MROH1: variants seen among roughly 807,000 people sequenced by gnomAD.
MROH1 encodes the protein maestro heat like repeat family member 1, also known as maestro heat-like repeat-containing protein family member 1.
MROH1 carries 117 observed loss-of-function variants against 116.5 expected under a neutral mutation model. That is an observed-to-expected ratio of 1.00 (90% CI 0.86 to 1.17). The LOEUF is 1.17. Ranked by LOEUF, MROH1 falls within the 50% of genes most tolerant of loss-of-function variation. The probability of loss-of-function intolerance (pLI) is 0.00; values close to 1 mark genes in which losing one functional copy is unlikely to be tolerated. For missense variants in MROH1, 1,873 were observed against 1,338.5 expected (o/e 1.40, Z -6.23); for synonymous variants, 921 against 583.9 (o/e 1.58, Z -8.32).
intron 39 of MROH1, 23 bp downstream of exon 39, chr8:144,260,397 A>G (rs1588568280): frequency 1.4e-6 from 1 of 706,098 alleles, no homozygotes. Flanking sequence ...GGGCAGGGGG[A>G]GGGAAGAGGG....
Position 144,238,747 on chromosome 8 carries a change from T to C in MROH1, c.1339-9T>C. 1 of 770,808 alleles carries C rather than the reference T, an allele frequency of 1.3e-6. No homozygotes were observed. 47.7% of individuals were successfully genotyped at this position (770,808 alleles called of 1,614,324 possible). ...CCCACGCACGCCTTTGCCTTTTGCC[T>C]TCCTCCAGCCTGAGAAGCCAGGCCC... On this transcript the variant is annotated splice_polypyrimidine_tract_variant and intron_variant, in intron 14 of 43. Transcript: ENST00000326134.
intron 4 of MROH1, among the ~76,000 whole-genome samples, chr8:144,171,862 C>T (rs1822530762): frequency 6.6e-6 from 1 of 152,202 alleles, no homozygotes; most frequent in South Asian, 2.1e-4. Context: ...CTAACACCCT[C>T]TTGTCCAAGG....
intron 12 of MROH1, among the ~76,000 whole-genome samples, chr8:144,206,714 G>A (rs977986006): frequency 4.6e-5 from 7 of 151,040 alleles, no homozygotes; most frequent in East Asian, 2.0e-4. Context: ...ATGAGCCACC[G>A]TGCCTGGCCT....
chr8:144,258,970 G>A (rs1177187793), intron 36 of MROH1, 56 bp downstream of exon 36: 8 of 679,408 alleles, frequency 1.2e-5, no homozygotes, highest in East Asian at 2.7e-5. Flanking sequence ...ACCGGATCTC[G>A]AGCCCAGAAC....
rs1040124054 is a variant in MROH1, at chr8:144,247,699, C to T, written c.3120+20C>T. 3,974 of 746,786 alleles carry T rather than the reference C, an allele frequency of 5.3e-3. 18 individuals are homozygous for T. Among genetic ancestry groups the T allele is most frequent in the Admixed American group, 7.8e-3 (439 of 56,454 alleles). 46.3% of individuals were successfully genotyped at this position (746,786 alleles called of 1,614,324 possible). On this transcript the variant is annotated intron_variant, in intron 31 of 43. Coordinates refer to ENST00000326134, the MANE Select transcript of MROH1 (RefSeq NM_032450.3). ...GGCCAGGTACCAGCTGGGAGCTCTGCGGCCGGAAGGCAGGCTGGCACTGTC... is the reference window on the plus strand; with the variant it reads ...GGCCAGGTACCAGCTGGGAGCTCTGTGGCCGGAAGGCAGGCTGGCACTGTC...
intron 12 of MROH1, among the ~76,000 whole-genome samples, chr8:144,218,503 G>T (rs1835773637): frequency 6.6e-6 from 1 of 151,638 alleles, no homozygotes; most frequent in South Asian, 2.1e-4. Flanking sequence ...TCGTCTTTCT[G>T]TTGATGAGTC....
chr8:144,208,677 A>G (rs1019864238), intron 12 of MROH1, among the ~76,000 whole-genome samples: 1 of 152,092 alleles, frequency 6.6e-6, no homozygotes, highest in Non-Finnish European at 1.5e-5. Context: ...GTTAGTGGGT[A>G]TATTTCAGGA....
At chr8:144,215,007 C>T (rs1000539567) in intron 12 of MROH1, among the ~76,000 whole-genome samples, 18 of 152,136 alleles carry the variant, frequency 1.2e-4, no homozygotes, top group East Asian at 1.9e-4. Context: ...TTCTTCTTCC[C>T]GCATTTATTC....
chr8:144,249,367 C>T (rs1842455934), intron 32 of MROH1, among the ~76,000 whole-genome samples: 1 of 152,178 alleles, frequency 6.6e-6, no homozygotes, highest in Non-Finnish European at 1.5e-5. Context: ...CCTTAGCCCA[C>T]AGGGTGTCAG....
intron 12 of MROH1, among the ~76,000 whole-genome samples, chr8:144,216,232 T>C (rs371387491): frequency 5.9e-5 from 9 of 151,668 alleles, no homozygotes; most frequent in African/African-American, 2.2e-4. Context: ...CCCAGCACTT[T>C]TGGAGGCTGA....
At chr8:144,214,035 C>T (rs1019748758) in intron 12 of MROH1, 14 of 152,284 alleles carry the variant, frequency 9.2e-5, no homozygotes, top group African/African-American at 2.6e-4. Context: ...GATGTTGGTC[C>T]TGCAGTGCCC....
chr8:144,192,458 T>G, intron 10 of MROH1, 57 bp downstream of exon 10: 1 of 1,473,188 alleles, frequency 6.8e-7, no homozygotes, highest in Non-Finnish European at 9.2e-7. Flanking sequence ...CCGTGGGAAG[T>G]TGCTGGACAA....
At position 144,261,193 on chromosome 8, in the gene MROH1, G is replaced by C; in HGVS notation, c.4751G>C (p.Arg1584Pro). ...TTCAAGAGCAGCTGGGAGAACGTCC[G>C]AGCTGCTGCACCCCTGTTCACCGGT... Reference protein sequence around the residue: ...FYFKSSWENVRAAAPLFTGFL... With the variant: ...FYFKSSWENVPAAAPLFTGFL... Residue 1584 changes from arginine (R) to proline (P), a missense_variant, in exon 42 of 44, where the codon CGA becomes CCA. Transcript: ENST00000326134. The C allele has an allele frequency of 1.3e-6, 1 of 766,382 alleles. No individual in the cohort carries two copies. The highest frequency in any genetic ancestry group is 2.4e-6 in the Non-Finnish European group (1 of 417,576). 47.5% of individuals were successfully genotyped at this position (766,382 alleles called of 1,614,324 possible).
intron 1 of MROH1, among the ~76,000 whole-genome samples, chr8:144,149,454 G>T (rs1180279816): frequency 6.6e-6 from 1 of 152,148 alleles, no homozygotes; most frequent in Non-Finnish European, 1.5e-5. Context: ...ACACCAGGGG[G>T]TCAGAGGTGG....
At chr8:144,247,154 A>C in intron 29 of MROH1, 147 bp from the exon 30 acceptor site, 1 of 656,684 alleles carries the variant, frequency 1.5e-6, no homozygotes. Flanking sequence ...ACTCACTGGG[A>C]GCTGTGTTGG....
intron 1 of MROH1, among the ~76,000 whole-genome samples, chr8:144,157,231 G>A (rs1818378024): frequency 6.6e-6 from 1 of 151,986 alleles, no homozygotes; most frequent in Admixed American, 6.6e-5. Flanking sequence ...GCTGGCTTGA[G>A]CCACCATGTA....
intron 12 of MROH1, among the ~76,000 whole-genome samples, chr8:144,206,515 C>T (rs989588910): frequency 7.3e-5 from 11 of 151,282 alleles, no homozygotes; most frequent in Non-Finnish European, 1.0e-4. Context: ...CTCCACCTCC[C>T]GGGTTCAAGC....
Position 144,213,018 on chromosome 8 carries a change from T to C in MROH1, c.1142-7582T>C, listed in dbSNP as rs565953387. 233 of 779,606 alleles carry C rather than the reference T, an allele frequency of 3.0e-4. 2 individuals carry two copies. In the South Asian group the frequency reaches 3.0e-3, roughly 10 times the overall value. 48.3% of individuals were successfully genotyped at this position (779,606 alleles called of 1,614,324 possible). A position where few individuals can be genotyped will look rare whatever the true frequency, so the allele number is the denominator to read the frequency against. ...GGCAGCACTAACACCAGAATAACAC[T>C]GATGTTGCCATCAGCAGTCACACGA... is the stretch of plus-strand genomic sequence containing the variant. On this transcript the variant is annotated intron_variant, in intron 12 of 43. Transcript: ENST00000326134.
At chr8:144,179,697 C>A in intron 5 of MROH1, 111 bp downstream of exon 5, 2 of 1,393,722 alleles carry the variant, frequency 1.4e-6, no homozygotes, top group South Asian at 1.3e-5. Context: ...TGTTTGGCTG[C>A]CTTGGGCTGG....
Sources: allele counts gnomAD v4.1 joint callset (sites outside exome capture counted in the v4.1 genomes callset), GRCh38; gene constraint gnomAD v4.1.1; transcripts MANE v1.5; gene names NCBI Gene and HGNC (gene_info 2026-07-23, HGNC 2026-07-21).